GABBR2: variants seen among roughly 807,000 people sequenced by gnomAD.
GABBR2 encodes the protein gamma-aminobutyric acid type B receptor subunit 2.
A neutral mutation model predicts 105.6 loss-of-function variants in GABBR2; 23 were observed. That is an observed-to-expected ratio of 0.22 (90% CI 0.16 to 0.31). The LOEUF (loss-of-function observed/expected upper bound fraction) is 0.31. GABBR2 is among the 10% of genes least tolerant of loss of function. The pLI, the probability that GABBR2 is intolerant of heterozygous loss-of-function variation, is 1.00. For synonymous variants in GABBR2, 478 were observed against 499.7 expected (o/e 0.96, Z 0.58); for missense variants, 734 against 1,245.5 (o/e 0.59, Z 6.18).
At chr9:98,422,352 G>A (rs1020121885) in intron 7 of GABBR2, among the ~76,000 whole-genome samples, 1 of 152,214 alleles carries the variant, frequency 6.6e-6, no homozygotes, top group African/African-American at 2.4e-5. Flanking sequence ...CTGGTGGGAT[G>A]TCACAGGAGC....
intron 7 of GABBR2, among the ~76,000 whole-genome samples, chr9:98,424,745 G>C (rs1442684932): frequency 6.6e-6 from 1 of 151,964 alleles, no homozygotes; most frequent in Non-Finnish European, 1.5e-5. Flanking sequence ...GCTTCAAAGA[G>C]AATAAAATAC....
At chr9:98,405,956 T>C (rs1832482376) in intron 8 of GABBR2, 125 bp downstream of exon 8, 2 of 664,930 alleles carry the variant, frequency 3.0e-6, no homozygotes, top group African/African-American at 3.8e-5. Flanking sequence ...GTGTTTTCAA[T>C]TGGCTCTGCT....
At chr9:98,547,085 C>T (rs1828415524) in intron 2 of GABBR2, among the ~76,000 whole-genome samples, 1 of 118,512 alleles carries the variant, frequency 8.4e-6, no homozygotes, top group African/African-American at 2.7e-5. Flanking sequence ...CACTGATTGT[C>T]GTTCATTTGT....
intron 1 of GABBR2, among the ~76,000 whole-genome samples, chr9:98,702,322 C>T (rs1830840637): frequency 1.3e-5 from 2 of 152,056 alleles, no homozygotes; most frequent in Non-Finnish European, 2.9e-5. Flanking sequence ...CCCCTCCTGC[C>T]CTGTCGGGTC....
At position 98,454,428 on chromosome 9, in the gene GABBR2, G is replaced by A. The variant is rs1341771393; in HGVS notation, c.1000-211C>T. Among the ~76,000 whole-genome samples, 4 of 152,012 alleles carry A rather than the reference G, an allele frequency of 2.6e-5. No individual in the cohort carries two copies. Among genetic ancestry groups the A allele is most frequent in the African/African-American group, 9.7e-5 (4 of 41,372 alleles). On this transcript the variant is annotated intron_variant, in intron 6 of 18. Transcript: ENST00000259455. The surrounding 1 kb of genome is among the most constrained non-coding windows in gnomAD (Gnocchi z 4.6). Reference sequence around the variant, plus strand: ...TTTTACAGACCCCCCATTTTCAGGGGGGTCAACTTGCTTAGTTCCACAAAG... The same window carrying A: ...TTTTACAGACCCCCCATTTTCAGGGAGGTCAACTTGCTTAGTTCCACAAAG...
At chr9:98,469,164 A>G (rs891610078) in intron 6 of GABBR2, among the ~76,000 whole-genome samples, 3 of 152,234 alleles carry the variant, frequency 2.0e-5, no homozygotes, top group Non-Finnish European at 4.4e-5. Flanking sequence ...TAATTTATAA[A>G]GCAAAGAGGT....
At chr9:98,636,642 T>C (rs1461433693) in intron 1 of GABBR2, among the ~76,000 whole-genome samples, 1 of 151,920 alleles carries the variant, frequency 6.6e-6, no homozygotes, top group Non-Finnish European at 1.5e-5. Context: ...TACAGATGCA[T>C]GCTGCCATAG....
chr9:98,634,708 GT>G (rs547670070), intron 1 of GABBR2, among the ~76,000 whole-genome samples: 13 of 152,270 alleles, frequency 8.5e-5, no homozygotes, highest in African/African-American at 2.9e-4. Flanking sequence ...GTCTCTGGTT[GT>G]TTTTTATGGC....
chr9:98,319,204 G>T (rs1830776922), intron 13 of GABBR2, among the ~76,000 whole-genome samples: 1 of 152,144 alleles, frequency 6.6e-6, no homozygotes, highest in African/African-American at 2.4e-5. Flanking sequence ...ATGATCAAAG[G>T]AGGTGCGGTG....
chr9:98,535,135 G>T (rs1277930370), intron 3 of GABBR2, among the ~76,000 whole-genome samples: 3 of 152,088 alleles, frequency 2.0e-5, no homozygotes, highest in African/African-American at 7.2e-5. Flanking sequence ...GTCTCACTCT[G>T]TTGCCAGGCT....
intron 16 of GABBR2, among the ~76,000 whole-genome samples, chr9:98,301,377 C>T (rs1239489431): frequency 2.0e-5 from 3 of 152,244 alleles, no homozygotes; most frequent in Non-Finnish European, 4.4e-5. Context: ...CACATTTGGT[C>T]ACAGAAGTCT....
chr9:98,618,959 T>TA (rs1414151469), intron 1 of GABBR2, among the ~76,000 whole-genome samples: 1 of 152,144 alleles, frequency 6.6e-6, no homozygotes, highest in Non-Finnish European at 1.5e-5. Context: ...ACTTTTCTTT[T>TA]AAAAAATAGT....
intron 1 of GABBR2, among the ~76,000 whole-genome samples, chr9:98,628,688 C>A (rs891092944): frequency 2.0e-5 from 3 of 152,126 alleles, no homozygotes; most frequent in Non-Finnish European, 2.9e-5. Flanking sequence ...AACTTTCTCA[C>A]CCCTCACACA....
In GABBR2 at chr9:98,682,366, CTTTTT is replaced by C. The variant is rs58885676; in HGVS notation, c.321+26046_321+26050del. On this transcript the variant is annotated intron_variant, in intron 1 of 18. Coordinates refer to ENST00000259455, the MANE Select transcript of GABBR2 (RefSeq NM_005458.8). ...CGAGATAGGAGATGGATTTTACCATCTTTTTTTTTTTTTTTTTTTTTTTTTTTGAG... is the reference window on the plus strand; with the variant it reads ...CGAGATAGGAGATGGATTTTACCATCTTTTTTTTTTTTTTTTTTTTTTGAG... Among the ~76,000 whole-genome samples the C allele has an allele frequency of 2.7e-4, 14 of 52,266 alleles. No individual in the cohort carries two copies. In the East Asian group the frequency reaches 4.7e-3, roughly 18 times the overall value. 34.3% of individuals were successfully genotyped at this position (52,266 alleles called of 152,430 possible). A position where few individuals can be genotyped will look rare whatever the true frequency, so the allele number is the denominator to read the frequency against.
intron 1 of GABBR2, among the ~76,000 whole-genome samples, chr9:98,685,757 A>G (rs1830612451): frequency 1.3e-5 from 2 of 152,178 alleles, no homozygotes; most frequent in South Asian, 2.1e-4. Flanking sequence ...CAATGGCACC[A>G]TCATAGCTTA....
intron 6 of GABBR2, among the ~76,000 whole-genome samples, chr9:98,462,558 T>A (rs914262528): frequency 6.6e-6 from 1 of 152,192 alleles, no homozygotes; most frequent in African/African-American, 2.4e-5. Flanking sequence ...CATGTCCAAC[T>A]TCATTAGTCA....
chr9:98,385,152 A>G (rs965910786), intron 11 of GABBR2, among the ~76,000 whole-genome samples: 1 of 151,874 alleles, frequency 6.6e-6, no homozygotes, highest in African/African-American at 2.4e-5. Flanking sequence ...CTCCTTTTCT[A>G]TGTTACTCTG....
At chr9:98,323,213 A>G (rs558802983) in intron 13 of GABBR2, among the ~76,000 whole-genome samples, 9 of 152,326 alleles carry the variant, frequency 5.9e-5, no homozygotes, top group African/African-American at 2.2e-4. Context: ...TGCCCTGGTC[A>G]TGGTGTGGCG....
intron 7 of GABBR2, among the ~76,000 whole-genome samples, chr9:98,436,633 C>G (rs569931814): frequency 6.6e-6 from 1 of 151,258 alleles, no homozygotes; most frequent in South Asian, 2.1e-4. Flanking sequence ...CTCCATGCCC[C>G]GTGCTCCTCC....
Sources: allele counts gnomAD v4.1 joint callset (sites outside exome capture counted in the v4.1 genomes callset), GRCh38; gene constraint gnomAD v4.1.1; non-coding constraint Gnocchi (gnomAD v3.1); transcripts MANE v1.5; gene names NCBI Gene and HGNC (gene_info 2026-07-23, HGNC 2026-07-21).